Variants in ADAP1 observed in about 807,000 individuals in gnomAD.
The protein encoded by ADAP1 is arf-GAP with dual PH domain-containing protein 1.
In ADAP1, 31 loss-of-function variants were observed where a neutral mutation model predicts 54.9. That is an observed-to-expected ratio of 0.56 (90% confidence interval 0.42 to 0.76). The LOEUF is 0.76. Ranked by LOEUF, ADAP1 falls within the 30% of genes least tolerant of loss-of-function variation. ADAP1 has a pLI of 0.00. For synonymous variants in ADAP1, 313 were observed against 202.6 expected (o/e 1.55, Z -4.63); for missense variants, 535 against 512.4 (o/e 1.04, Z -0.42).
intron 3 of ADAP1, among the ~76,000 whole-genome samples, chr7:924,211 C>T (rs1213924216): frequency 1.8e-5 from 2 of 112,862 alleles, no homozygotes; most frequent in African/African-American, 3.6e-5. Context: ...GCACCCCCCG[C>T]CCTCCAGGTT....
chr7:934,662 C>T (rs937869748), intron 2 of ADAP1, among the ~76,000 whole-genome samples: 7 of 152,332 alleles, frequency 4.6e-5, no homozygotes, highest in East Asian at 1.9e-4. Flanking sequence ...TCCTTCTCCA[C>T]CTCCCTCGGG....
At chr7:913,323 C>T (rs1028089327) in intron 4 of ADAP1, among the ~76,000 whole-genome samples, 1 of 151,942 alleles carries the variant, frequency 6.6e-6, no homozygotes, top group Non-Finnish European at 1.5e-5. Flanking sequence ...GCCTCAGCCT[C>T]CCAAGTAGCT....
chr7:935,425 T>C lies in ADAP1; in HGVS notation c.163A>G (p.Ser55Gly). Residue 55 changes from serine to glycine, a missense_variant, in exon 2 of 11, where the codon AGC becomes GGC. Coordinates refer to ENST00000265846, the MANE Select transcript of ADAP1 (RefSeq NM_006869.4). Reference sequence around the variant, plus strand: ...TCCAGGCGGACGGACTTCACCTTGCTGACCTGGGGGATATTCCGGTGGATT... The same window carrying C: ...TCCAGGCGGACGGACTTCACCTTGCCGACCTGGGGGATATTCCGGTGGATT... ...SGIHRNIPQV[S>G]KVKSVRLDAW... 2 of 1,561,048 alleles carry C rather than the reference T, an allele frequency of 1.3e-6. No individual in the cohort carries two copies. The highest frequency in any genetic ancestry group is 1.4e-5 in the African/African-American group (1 of 73,536).
At chr7:933,771 C>T (rs78441488) in intron 2 of ADAP1, among the ~76,000 whole-genome samples, 2 of 34,328 alleles carry the variant, frequency 5.8e-5, no homozygotes. Flanking sequence ...AGCCGGGGAC[C>T]GGGGTCAGTG....
intron 6 of ADAP1, chr7:900,884 G>GGCCA (rs1844772965): frequency 2.0e-6 from 1 of 512,264 alleles, no homozygotes; most frequent in South Asian, 1.6e-5. Context: ...AAGGGCCGAA[G>GGCCA]GGCCGGGCCG....
Position 920,634 on chromosome 7 carries a change from C to T in ADAP1, c.306-584G>A, listed in dbSNP as rs544340346. The T allele has an allele frequency of 6.2e-5, 42 of 677,304 alleles. 1 individual carries two copies. In the South Asian group the frequency reaches 7.2e-4, roughly 12 times the overall value. The allele number at this position is 677,304 out of a possible 1,614,324, so 42.0% of individuals were successfully genotyped here. The stretch of plus-strand genomic sequence containing the variant: ...CGTCCGGGGCATCAGGAGAAACTAC[C>T]GGCAAATACCCAAGAATCCAGGAAG... On this transcript the variant is annotated intron_variant, in intron 3 of 10. Coordinates refer to ENST00000265846, the MANE Select transcript of ADAP1 (RefSeq NM_006869.4). This position sits in a 1 kb window ranked among gnomAD's most constrained non-coding sequence, Gnocchi z 4.5.
intron 4 of ADAP1, among the ~76,000 whole-genome samples, chr7:906,607 G>GGGAGAAA (rs1223260824): frequency 1.3e-4 from 1 of 7,770 alleles, no homozygotes; most frequent in Non-Finnish European, 2.2e-4. Flanking sequence ...AAGGGAGAAA[G>GGGAGAAA]GGAGAAAGGG....
intron 4 of ADAP1, among the ~76,000 whole-genome samples, chr7:907,086 C>T (rs1337216586): frequency 6.6e-6 from 1 of 152,132 alleles, no homozygotes; most frequent in East Asian, 1.9e-4. Context: ...CTGCTGGGTC[C>T]AGGTGGTGCC....
chr7:909,794 G>A (rs1353121104), intron 4 of ADAP1, among the ~76,000 whole-genome samples: 2 of 152,154 alleles, frequency 1.3e-5, no homozygotes, highest in African/African-American at 4.8e-5. Flanking sequence ...TTATCAAACA[G>A]CTACCGCGTG....
At chr7:929,530 A>C (rs924820465) in intron 2 of ADAP1, among the ~76,000 whole-genome samples, 37 of 151,662 alleles carry the variant, frequency 2.4e-4, no homozygotes, top group African/African-American at 8.0e-4. Flanking sequence ...AAAAAAAAAA[A>C]AAAAACAAGA....
chr7:934,830 AG>A (rs1044948800), intron 2 of ADAP1, among the ~76,000 whole-genome samples: 39 of 152,292 alleles, frequency 2.6e-4, no homozygotes, highest in African/African-American at 8.9e-4. Flanking sequence ...GGCCATGCCA[AG>A]TGCTCCGTGA....
rs199627509 is a variant in ADAP1 at position 900,214 on chromosome 7, G to A, written c.733-50C>T. ...GGACCTCAGAAGTGCAGCTCAGGCC[G>A]AGCCCCTCCCTGGCTGTGCCCCTCT... On this transcript the variant is annotated intron_variant, in intron 7 of 10. Transcript: ENST00000265846. 6.1e-4 allele frequency: 979 copies of A among 1,606,142 alleles called. 3 individuals carry two copies. The highest frequency in any genetic ancestry group is 3.5e-3 in the Middle Eastern group (21 of 6,042).
In ADAP1 at chr7:906,739, G is replaced by A. The variant is rs1845446875; in HGVS notation, c.389-1567C>T. ...CATCGGGGACGGGACATGGGGGACA[G>A]AGTACATAGGGGACATGGACAGGGG... On this transcript the variant is annotated intron_variant, in intron 4 of 10. Coordinates refer to ENST00000265846, the MANE Select transcript of ADAP1 (RefSeq NM_006869.4). 6.8e-4 allele frequency among the ~76,000 whole-genome samples: 20 copies of A among 29,260 alleles called. 1 individual carries two copies. Among genetic ancestry groups the A allele is most frequent in the South Asian group, 1.0e-3 (1 of 994 alleles). 19.2% of individuals were successfully genotyped at this position (29,260 alleles called of 152,430 possible).
rs1430282302 is a variant in ADAP1 at position 898,597 on chromosome 7, G to A, written c.*324C>T. 2 of 438,940 alleles carry A rather than the reference G, an allele frequency of 4.6e-6. No individual in the cohort carries two copies. Among genetic ancestry groups the A allele is most frequent in the Non-Finnish European group, 8.5e-6 (2 of 234,888 alleles). The allele number at this position is 438,940 out of a possible 1,614,324, so 27.2% of individuals were successfully genotyped here. ...GAAGTTCCCACAGCCGTGGTGGGCG[G>A]CTCCTGGGGGCTGTGTCTGAGCTCG... On this transcript the variant is annotated 3_prime_UTR_variant, in exon 11 of 11. Transcript: ENST00000265846.
intron 4 of ADAP1, among the ~76,000 whole-genome samples, chr7:908,495 G>A (rs1845573132): frequency 1.3e-5 from 2 of 152,140 alleles, no homozygotes; most frequent in Admixed American, 6.5e-5. Context: ...CCAGCCCCGT[G>A]CGCACAGCAG....
chr7:953,095 C>T (rs1847307743), intron 1 of ADAP1, among the ~76,000 whole-genome samples: 1 of 152,160 alleles, frequency 6.6e-6, no homozygotes, highest in Non-Finnish European at 1.5e-5. Flanking sequence ...CCAGGCCAGG[C>T]CCTTTCCCAC....
chr7:919,938 G>A lies in ADAP1; in HGVS notation c.388+30C>T, dbSNP rs1172059203. ...GGAGAGAGCCAGGGAGAGGTAGCCG[G>A]GAGGCCCCACCCCACCCGGGTGGCC... is the stretch of plus-strand genomic sequence containing the variant. On this transcript the variant is annotated intron_variant, in intron 4 of 10. Coordinates refer to ENST00000265846, the MANE Select transcript of ADAP1 (RefSeq NM_006869.4). 4 of 1,574,288 alleles carry A rather than the reference G, an allele frequency of 2.5e-6. No individual in the cohort carries two copies. The East Asian group carries it at 9.2e-5, about 36-fold the overall frequency.
intron 4 of ADAP1, among the ~76,000 whole-genome samples, chr7:907,443 C>G (rs1032199578): frequency 6.6e-6 from 1 of 152,128 alleles, no homozygotes; most frequent in Non-Finnish European, 1.5e-5. Context: ...CTGCCCACTC[C>G]GAGTCTCGGG....
intron 2 of ADAP1, among the ~76,000 whole-genome samples, chr7:928,614 A>C: frequency 6.6e-6 from 1 of 152,208 alleles, no homozygotes; most frequent in East Asian, 1.9e-4. Context: ...AAAGGCACTC[A>C]ACACTGTTAG....
Sources: allele counts gnomAD v4.1 joint callset (sites outside exome capture counted in the v4.1 genomes callset), GRCh38; gene constraint gnomAD v4.1.1; non-coding constraint Gnocchi (gnomAD v3.1); transcripts MANE v1.5; gene names NCBI Gene and HGNC (gene_info 2026-07-23, HGNC 2026-07-21).